Variants in LHFPL6 observed in about 807,000 individuals in gnomAD.
LHFPL6 encodes LHFPL tetraspan subfamily member 6 protein.
In LHFPL6, 9 loss-of-function variants were observed where a neutral mutation model predicts 20.6. That is an observed-to-expected ratio of 0.44 (90% CI 0.26 to 0.76). The LOEUF (loss-of-function observed/expected upper bound fraction) is 0.76. Among genes scored for constraint, LHFPL6 ranks in the 30% least tolerant of loss-of-function variants. LHFPL6 has a pLI of 0.20. For synonymous variants in LHFPL6, 105 were observed against 98.7 expected (o/e 1.06, Z -0.38); for missense variants, 218 against 253.5 (o/e 0.86, Z 0.95).
At chr13:39,349,590 T>A (rs1869505572) in intron 3 of LHFPL6, among the ~76,000 whole-genome samples, 1 of 152,226 alleles carries the variant, frequency 6.6e-6, no homozygotes, top group South Asian at 2.1e-4. Flanking sequence ...TATTGTCTAG[T>A]CAAGGAAATA....
chr13:39,456,890 G>C, intron 2 of LHFPL6, among the ~76,000 whole-genome samples: 1 of 151,628 alleles, frequency 6.6e-6, no homozygotes, highest in East Asian at 1.9e-4. Context: ...TCCATCTCCC[G>C]GGTTCAAGCC....
At chr13:39,569,204 T>C (rs1267126475) in intron 2 of LHFPL6, among the ~76,000 whole-genome samples, 1 of 151,854 alleles carries the variant, frequency 6.6e-6, no homozygotes, top group East Asian at 1.9e-4. Context: ...GATGGACAGA[T>C]ATAAACTGCA....
chr13:39,578,954 T>C (rs1176018185), intron 2 of LHFPL6, among the ~76,000 whole-genome samples: 1 of 152,180 alleles, frequency 6.6e-6, no homozygotes, highest in Non-Finnish European at 1.5e-5. Flanking sequence ...GGGAACAGCG[T>C]TCAGCAAAGG....
chr13:39,433,062 T>C (rs7335330), intron 2 of LHFPL6, among the ~76,000 whole-genome samples: 101,824 of 152,122 alleles, frequency 0.67, 36,040 homozygotes, highest in Non-Finnish European at 0.78. Context: ...TCTTGCCTTC[T>C]GATGCTAAAA....
At chr13:39,535,214 A>C (rs1870580013) in intron 2 of LHFPL6, among the ~76,000 whole-genome samples, 1 of 152,250 alleles carries the variant, frequency 6.6e-6, no homozygotes, top group Non-Finnish European at 1.5e-5. Context: ...ATTACATCTA[A>C]ACAAGGTCAA....
At chr13:39,579,327 C>T (rs906256654) in intron 2 of LHFPL6, among the ~76,000 whole-genome samples, 1 of 152,258 alleles carries the variant, frequency 6.6e-6, no homozygotes, top group African/African-American at 2.4e-5. Context: ...GGACACTAAA[C>T]GAGAACAATA....
rs7982478 is a variant in LHFPL6, at chr13:39,413,473, G to A, written c.386-34947C>T. Among the ~76,000 whole-genome samples, 28 of 131,180 alleles carry A rather than the reference G, an allele frequency of 2.1e-4. 1 individual carries two copies. The highest frequency in any genetic ancestry group is 4.5e-4 in the African/African-American group (16 of 35,778). The allele number at this position is 131,180 out of a possible 152,430, so 86.1% of individuals were successfully genotyped here. A position where few individuals can be genotyped will look rare whatever the true frequency, so the allele number is the denominator to read the frequency against. The stretch of plus-strand genomic sequence containing the variant: ...TTTTTAGGAATTGGGGGTAGGGGGG[G>A]TGGGTCTCACTATGTTGCCCAGGCT... On this transcript the variant is annotated intron_variant, in intron 2 of 3. Transcript: ENST00000379589.
chr13:39,473,014 G>A (rs1420187865), intron 2 of LHFPL6, among the ~76,000 whole-genome samples: 2 of 152,120 alleles, frequency 1.3e-5, no homozygotes, highest in Non-Finnish European at 2.9e-5. Context: ...CACTGTGAGT[G>A]GCAATTACAG....
intron 2 of LHFPL6, among the ~76,000 whole-genome samples, chr13:39,394,888 C>A (rs1232038720): frequency 6.6e-6 from 1 of 152,160 alleles, no homozygotes; most frequent in Admixed American, 6.5e-5. Context: ...TTCTGCAGCA[C>A]CACGCTGTCA....
intron 2 of LHFPL6, among the ~76,000 whole-genome samples, chr13:39,564,315 C>T (rs1214201352): frequency 6.6e-6 from 1 of 152,096 alleles, no homozygotes; most frequent in Non-Finnish European, 1.5e-5. Context: ...ATGAGATGAC[C>T]TCTTTGGAGT....
intron 2 of LHFPL6, among the ~76,000 whole-genome samples, chr13:39,530,696 C>G (rs905604195): frequency 1.3e-5 from 2 of 152,020 alleles, no homozygotes; most frequent in African/African-American, 4.8e-5. Context: ...TACAAAATGT[C>G]TTTTACATTA....
At chr13:39,540,024 T>G (rs1301463975) in intron 2 of LHFPL6, among the ~76,000 whole-genome samples, 2 of 152,190 alleles carry the variant, frequency 1.3e-5, no homozygotes, top group Non-Finnish European at 2.9e-5. Context: ...ATTCATGTTA[T>G]ATAGATTCTC....
intron 3 of LHFPL6, among the ~76,000 whole-genome samples, chr13:39,352,380 A>AT (rs539628098): frequency 4.1e-4 from 63 of 152,280 alleles, no homozygotes; most frequent in South Asian, 3.5e-3. Context: ...CCACCATACC[A>AT]TCCTAACTTT....
At chr13:39,418,379 G>C (rs1405266140) in intron 2 of LHFPL6, among the ~76,000 whole-genome samples, 1 of 39,556 alleles carries the variant, frequency 2.5e-5, no homozygotes, top group Non-Finnish European at 4.9e-5. Context: ...AAGTTTTTTT[G>C]GTCTTTTTTT....
intron 3 of LHFPL6, 59 bp from the exon 4 acceptor site, chr13:39,344,113 G>T (rs1869327524): frequency 2.9e-6 from 4 of 1,370,708 alleles, no homozygotes; most frequent in Middle Eastern, 1.8e-4. Context: ...TTGCAGCAGG[G>T]TTTCTTATTG....
intron 2 of LHFPL6, among the ~76,000 whole-genome samples, chr13:39,563,889 C>A (rs565066074): frequency 3.3e-5 from 5 of 152,192 alleles, no homozygotes; most frequent in Admixed American, 6.5e-5. Context: ...TCGGCTTTTT[C>A]CCCTGAAAAT....
At chr13:39,472,204 T>C (rs1463536386) in intron 2 of LHFPL6, among the ~76,000 whole-genome samples, 1 of 152,140 alleles carries the variant, frequency 6.6e-6, no homozygotes, top group Non-Finnish European at 1.5e-5. Context: ...TTCCCAAATA[T>C]ATACTACCCG....
chr13:39,498,791 G>A (rs1016590693), intron 2 of LHFPL6, among the ~76,000 whole-genome samples: 2 of 152,162 alleles, frequency 1.3e-5, no homozygotes, highest in Non-Finnish European at 2.9e-5. Context: ...TATGCACCTT[G>A]GATCTCCCAC....
At chr13:39,511,623 C>G (rs552208706) in intron 2 of LHFPL6, among the ~76,000 whole-genome samples, 3 of 152,244 alleles carry the variant, frequency 2.0e-5, no homozygotes, top group South Asian at 4.2e-4. Context: ...CTAGAATATA[C>G]TATTAACAAT....
Sources: allele counts gnomAD v4.1 joint callset (sites outside exome capture counted in the v4.1 genomes callset), GRCh38; gene constraint gnomAD v4.1.1; transcripts MANE v1.5; gene names NCBI Gene and HGNC (gene_info 2026-07-23, HGNC 2026-07-21).